Variants in DDX1 observed in about 807,000 individuals in gnomAD.
DDX1 encodes DEAD-box helicase 1.
In DDX1, 28 loss-of-function variants were observed where a neutral mutation model predicts 108.7. The ratio of observed to expected loss-of-function variants is 0.26; its 90% confidence interval spans 0.19 to 0.35. DDX1 has a LOEUF of 0.35. Among genes scored for constraint, DDX1 ranks in the 10% least tolerant of loss-of-function variants. The pLI is 1.00. For missense variants in DDX1, 710 were observed against 884.5 expected, an observed-to-expected ratio of 0.80 and a Z score of 2.50; for synonymous variants, 295 against 288.9, an observed-to-expected ratio of 1.02 and a Z score of -0.21.
intron 13 of DDX1, among the ~76,000 whole-genome samples, chr2:15,612,679 G>C (rs1011069342): frequency 3.3e-5 from 5 of 151,912 alleles, no homozygotes; most frequent in Admixed American, 6.6e-5. Flanking sequence ...AGGTTGTAGC[G>C]AGCCGAGATC....
chr2:15,613,684 T>G (rs1665841086), intron 14 of DDX1, among the ~76,000 whole-genome samples: 1 of 152,066 alleles, frequency 6.6e-6, no homozygotes, highest in African/African-American at 2.4e-5. Context: ...GGATGAATAA[T>G]GATAAGACAG....
chr2:15,611,850 C>T (rs1448821662), intron 13 of DDX1, among the ~76,000 whole-genome samples: 3 of 106,098 alleles, frequency 2.8e-5, no homozygotes, highest in Non-Finnish European at 5.5e-5. Flanking sequence ...CCTCACTTCC[C>T]AGTAGGGGCG....
At chr2:15,629,560 C>G (rs570776511) in intron 23 of DDX1, 42 bp from the exon 24 acceptor site, 3 of 1,367,082 alleles carry the variant, frequency 2.2e-6, no homozygotes, top group Non-Finnish European at 3.1e-6. Context: ...TAGCATGTCT[C>G]TATCTCCATG....
intron 10 of DDX1, among the ~76,000 whole-genome samples, chr2:15,605,449 TGAA>T (rs1665647196): frequency 6.6e-6 from 1 of 152,110 alleles, no homozygotes; most frequent in Non-Finnish European, 1.5e-5. Flanking sequence ...TCTAGCAAGA[TGAA>T]GAATGTGCAT....
chr2:15,601,947 C>G (rs1421268219), intron 6 of DDX1, among the ~76,000 whole-genome samples: 1 of 152,038 alleles, frequency 6.6e-6, no homozygotes, highest in African/African-American at 2.4e-5. Flanking sequence ...TAGAATATAC[C>G]TCATCTTTTA....
rs764331933 is a variant in DDX1, at chr2:15,607,207, C to T, written c.850C>T (p.Pro284Ser). 3 of 1,613,980 alleles carry T rather than the reference C, an allele frequency of 1.9e-6. No homozygotes were observed. The African/African-American group carries it at 4.0e-5, about 22-fold the overall frequency. The change falls in exon 13 of 26, where the codon CCC becomes TCC. Residue 284 changes from proline (P) to serine (S), a missense_variant. Pro to Ser is a moderately conservative substitution (Grantham distance 74). Coordinates refer to ENST00000233084, the MANE Select transcript of DDX1 (RefSeq NM_004939.3). The stretch of plus-strand genomic sequence containing the variant: ...ACAGGTGACACAAACAAAGTTTCTC[C>T]CCAATGCTCCGAAAGCTCTCATTGT... Reference protein sequence around the residue: ...NAQVTQTKFLPNAPKALIVEP... With the variant: ...NAQVTQTKFLSNAPKALIVEP...
chr2:15,630,231 A>T (rs1287893842), intron 25 of DDX1, 121 bp downstream of exon 25: 2 of 987,224 alleles, frequency 2.0e-6, no homozygotes, highest in African/African-American at 1.7e-5. Context: ...CGTGTTAATC[A>T]TTCCCTCCTT....
chr2:15,625,926 G>A (rs929000354), intron 19 of DDX1, among the ~76,000 whole-genome samples: 1 of 151,714 alleles, frequency 6.6e-6, no homozygotes, highest in African/African-American at 2.4e-5. Context: ...AAACAGACTT[G>A]CTTGGTTGTT....
At chr2:15,593,939 G>T (rs1003868891) in intron 1 of DDX1, among the ~76,000 whole-genome samples, 1 of 152,058 alleles carries the variant, frequency 6.6e-6, no homozygotes. Flanking sequence ...ATTAGCGGGC[G>T]TGGTGGCATG....
intron 13 of DDX1, among the ~76,000 whole-genome samples, chr2:15,612,899 C>A (rs536887735): frequency 6.6e-6 from 1 of 151,282 alleles, no homozygotes; most frequent in Non-Finnish European, 1.5e-5. Context: ...CGCAGGCACT[C>A]GGCAAGCTGA....
chr2:15,602,134 G>A lies in DDX1; in HGVS notation c.308-414G>A, dbSNP rs182111628. On this transcript the variant is annotated intron_variant, in intron 6 of 25. Transcript: ENST00000233084. ...GTATAAAATCAGGACGAATATTGAT[G>A]AGCGAGTTGTGCATCATCCTTGAGT... 9.5e-4 allele frequency among the ~76,000 whole-genome samples: 144 copies of A among 152,260 alleles called. 1 individual carries two copies. Among genetic ancestry groups the A allele is most frequent in the Non-Finnish European group, 1.7e-3 (119 of 68,040 alleles).
chr2:15,607,399 AGAAATTCAGT>A, intron 13 of DDX1, 86 bp downstream of exon 13: 1 of 1,276,972 alleles, frequency 7.8e-7, no homozygotes, highest in Non-Finnish European at 1.1e-6. Context: ...AAAATGAAGT[AGAAATTCAGT>A]GTGTATACAT....
intron 14 of DDX1, among the ~76,000 whole-genome samples, chr2:15,614,766 T>C (rs1665866555): frequency 1.3e-5 from 2 of 152,240 alleles, no homozygotes; most frequent in African/African-American, 4.8e-5. Context: ...CTTTGTGATA[T>C]TCTGTTAAAA....
intron 6 of DDX1, among the ~76,000 whole-genome samples, chr2:15,601,931 A>G (rs147041670): frequency 0.014 from 2,113 of 152,352 alleles, 47 homozygotes; most frequent in African/African-American, 0.044. Flanking sequence ...ATCATGATGT[A>G]TAGTATAGAA....
chr2:15,606,046 G>GA lies in DDX1; in HGVS notation c.702+26dup. 4 of 1,572,948 alleles carry GA rather than the reference G, an allele frequency of 2.5e-6. No homozygotes were observed. Among genetic ancestry groups the GA allele is most frequent in the Non-Finnish European group, 3.5e-6 (4 of 1,159,170 alleles). Reference sequence around the variant, plus strand: ...TTGAAGGTAATTAGGAATCTAGTTAGAAAAAATTTGCTGTGGTTGTAAGCT... The same window carrying GA: ...TTGAAGGTAATTAGGAATCTAGTTAGAAAAAAATTTGCTGTGGTTGTAAGCT... On this transcript the variant is annotated intron_variant, in intron 11 of 25. Coordinates refer to ENST00000233084, the MANE Select transcript of DDX1 (RefSeq NM_004939.3).
intron 19 of DDX1, among the ~76,000 whole-genome samples, chr2:15,626,747 A>G (rs1666105141): frequency 6.6e-6 from 1 of 152,074 alleles, no homozygotes; most frequent in Non-Finnish European, 1.5e-5. Flanking sequence ...TTTATGGAGG[A>G]TAGTGAGGTT....
Position 15,620,246 on chromosome 2 carries a change from A to G in DDX1, c.1245A>G (p.Val415=), listed in dbSNP as rs372713719. Reference sequence around the variant, plus strand: ...CTGCCACTTTGCATTCTTTCGATGTAAAGAAACTGTCCGAGAAGATAATGC... The same window carrying G: ...CTGCCACTTTGCATTCTTTCGATGTGAAGAAACTGTCCGAGAAGATAATGC... ...VCSATLHSFD[V]KKLSEKIMHF... Residue 415 remains valine (V), a synonymous_variant, in exon 17 of 26, where the codon GTA becomes GTG. Transcript: ENST00000233084. 1.4e-4 allele frequency: 220 copies of G among 1,614,038 alleles called. No homozygotes were observed. In the East Asian group the frequency reaches 3.7e-3, roughly 27 times the overall value.
chr2:15,602,696 T>C, intron 7 of DDX1, 65 bp downstream of exon 7: 1 of 1,213,020 alleles, frequency 8.2e-7, no homozygotes, highest in Non-Finnish European at 1.2e-6. Flanking sequence ...TGAGGGTTTT[T>C]TTGTTGTTGT....
chr2:15,606,108 A>G, intron 11 of DDX1, 42 bp from the exon 12 acceptor site: 1 of 1,583,650 alleles, frequency 6.3e-7, no homozygotes, highest in Non-Finnish European at 8.7e-7. Context: ...ATGGTTTTCA[A>G]TTAGGGTAGG....
Sources: gnomAD v4.1 joint callset for allele counts (sites outside exome capture counted in the v4.1 genomes callset) on GRCh38, gnomAD v4.1.1 for gene constraint, MANE v1.5 for transcripts, NCBI Gene and HGNC (gene_info 2026-07-23, HGNC 2026-07-21) for gene names.